Variants in ZNF730 observed in about 807,000 individuals in gnomAD.
ZNF730 encodes putative zinc finger protein 730.
ZNF730 carries 12 observed loss-of-function variants against 12.6 expected under a neutral mutation model. The ratio of observed to expected loss-of-function variants is 0.95; its 90% CI spans 0.61 to 1.54. The LOEUF is 1.54. ZNF730 is among the 40% of genes most tolerant of loss of function. The pLI is 0.00. For missense variants in ZNF730, 643 were observed against 583.5 expected (o/e 1.10, Z -1.05); for synonymous variants, 194 against 195.8 (o/e 0.99, Z 0.08).
At chr19:23,118,029 C>T (rs781624659) in intron 1 of ZNF730, among the ~76,000 whole-genome samples, 1 of 152,088 alleles carries the variant, frequency 6.6e-6, no homozygotes, top group Non-Finnish European at 1.5e-5. Flanking sequence ...ACCCCTCAAC[C>T]CCCATTCCTC....
intron 2 of ZNF730, among the ~76,000 whole-genome samples, 182 bp downstream of exon 2, chr19:23,134,388 G>A (rs1306648710): frequency 2.1e-5 from 3 of 145,412 alleles, no homozygotes; most frequent in Non-Finnish European, 4.6e-5. Flanking sequence ...AGGGAGGTGG[G>A]GGGGTCAGCC....
chr19:23,116,928 GGGCCTT>G, upstream of ZNF730: 2 of 92,792 alleles, frequency 2.2e-5, no homozygotes, highest in Non-Finnish European at 4.0e-5. Flanking sequence ...TGAGGGGGCG[GGGCCTT>G]AAACGTTATC....
At chr19:23,082,876 T>A (rs1969988230) in intron 1 of ZNF730, among the ~76,000 whole-genome samples, 1 of 151,882 alleles carries the variant, frequency 6.6e-6, no homozygotes, top group South Asian at 2.1e-4. Flanking sequence ...TAATTTTGTG[T>A]TTTTAGGGGA....
Position 23,086,573 on chromosome 19 carries a change from G to C in ZNF730, c.-94+11186G>C, listed in dbSNP as rs553148792. Among the ~76,000 whole-genome samples, 11 of 152,266 alleles carry C rather than the reference G, an allele frequency of 7.2e-5. No homozygotes were observed. In the South Asian group the frequency reaches 2.1e-3, roughly 29 times the overall value. ...AATTCTTTGCTCATTGCTTTTGTCAGCTTTGTCAAAGGTCAGATGGTTGTA... is the reference window on the plus strand; with the variant it reads ...AATTCTTTGCTCATTGCTTTTGTCACCTTTGTCAAAGGTCAGATGGTTGTA... On this transcript the variant is annotated intron_variant, in intron 1 of 2. Coordinates refer to the ZNF730 transcript ENST00000593635.
At chr19:23,141,917 T>A (rs1202931881) in intron 3 of ZNF730, among the ~76,000 whole-genome samples, 1 of 152,198 alleles carries the variant, frequency 6.6e-6, no homozygotes, top group African/African-American at 2.4e-5. Context: ...CTTGTTTTAT[T>A]TTTATTACAG....
At chr19:23,135,804 C>A in intron 2 of ZNF730, 144 bp from the exon 3 acceptor site, 1 of 707,100 alleles carries the variant, frequency 1.4e-6, no homozygotes, top group Non-Finnish European at 2.0e-6. Flanking sequence ...AGCCACCGTG[C>A]CTGGTCTATT....
intron 3 of ZNF730, among the ~76,000 whole-genome samples, chr19:23,144,963 T>C (rs1301317550): frequency 6.6e-6 from 1 of 152,200 alleles, no homozygotes; most frequent in East Asian, 1.9e-4. Context: ...GTTGGTAATT[T>C]ACTTGTAAAG....
chr19:23,131,900 A>G (rs1970747424), intron 1 of ZNF730, among the ~76,000 whole-genome samples: 1 of 152,162 alleles, frequency 6.6e-6, no homozygotes, highest in Non-Finnish European at 1.5e-5. Context: ...GGCCAGAATC[A>G]AGTATGAGGG....
chr19:23,116,672 C>T (rs1201665407), upstream of ZNF730, among the ~76,000 whole-genome samples: 1 of 150,990 alleles, frequency 6.6e-6, no homozygotes, highest in South Asian at 2.1e-4. Context: ...CCACCCGCCT[C>T]GGCCCCCCAA....
intron 3 of ZNF730, chr19:23,144,228 A>T (rs922510480): frequency 6.6e-6 from 1 of 151,900 alleles, no homozygotes; most frequent in Non-Finnish European, 1.5e-5. Flanking sequence ...TCTTTAATTG[A>T]GATTTGGACA....
Position 23,145,961 on chromosome 19 carries a change from A to G in ZNF730, c.917A>G (p.His306Arg), listed in dbSNP as rs1433969877. 1 of 1,607,588 alleles carries G rather than the reference A, an allele frequency of 6.2e-7. No homozygotes were observed. Among genetic ancestry groups the G allele is most frequent in the Non-Finnish European group, 8.5e-7 (1 of 1,178,494 alleles). ...SSNLTEHKKIHTKEQPYKCEK... is the reference protein window; with the variant it reads ...SSNLTEHKKIRTKEQPYKCEK... ...AACCTTACTGAACATAAGAAAATTC[A>G]TACTAAAGAGCAACCATACAAATGC... Residue 306 changes from histidine to arginine, a missense_variant, in exon 4 of 4, where the codon CAT becomes CGT. Physicochemically the swap from His to Arg is conservative, Grantham distance 29. Coordinates refer to ENST00000597761, the MANE Select transcript of ZNF730 (RefSeq NM_001277403.2).
At chr19:23,123,652 T>TCGTGCTGA (rs1555715073) in intron 1 of ZNF730, 1 of 151,080 alleles carries the variant, frequency 6.6e-6, no homozygotes, top group Non-Finnish European at 1.5e-5. Context: ...CTCATGTTTC[T>TCGTGCTGA]CATGCTGAGA....
At chr19:23,132,546 T>C (rs1433481498) in intron 1 of ZNF730, among the ~76,000 whole-genome samples, 2 of 152,200 alleles carry the variant, frequency 1.3e-5, no homozygotes, top group Non-Finnish European at 2.9e-5. Flanking sequence ...TGGCTTCTTA[T>C]ATGCCATGAT....
At position 23,146,502 on chromosome 19, in the gene ZNF730, T is replaced by TA; in HGVS notation, c.1461dup (p.Ala488SerfsTer3). On this transcript the variant is annotated frameshift_variant, in exon 4 of 4. Transcript: ENST00000597761. LOFTEE classifies it low-confidence loss of function (END_TRUNC). ...AAATCTACAAATGTAAAGAATGTGG[T>TA]AAAGCCTTTAGGCGGTTCTCACACC... The TA allele has an allele frequency of 6.3e-7, 1 of 1,595,446 alleles. No homozygotes were observed. The highest frequency in any genetic ancestry group is 8.5e-7 in the Non-Finnish European group (1 of 1,172,670).
chr19:23,115,486 T>C (rs1256600840), upstream of ZNF730, among the ~76,000 whole-genome samples: 2 of 152,206 alleles, frequency 1.3e-5, no homozygotes, highest in African/African-American at 4.8e-5. Flanking sequence ...GCTGACCTTA[T>C]TTCCTCAGGT....
At chr19:23,107,920 TTTG>T (rs887292181) in intron 1 of ZNF730, among the ~76,000 whole-genome samples, 7 of 152,106 alleles carry the variant, frequency 4.6e-5, no homozygotes, top group African/African-American at 9.7e-5. Context: ...ATGCAATTTT[TTTG>T]TTGTTGTTGT....
At chr19:23,077,499 A>G (rs1408655580) in intron 1 of ZNF730, among the ~76,000 whole-genome samples, 2 of 121,558 alleles carry the variant, frequency 1.6e-5, no homozygotes, top group Non-Finnish European at 3.2e-5. Context: ...GTGCAGTAGC[A>G]GTGTCTTGGC....
At chr19:23,126,287 G>A (rs1404066468) in intron 1 of ZNF730, among the ~76,000 whole-genome samples, 1 of 152,144 alleles carries the variant, frequency 6.6e-6, no homozygotes, top group East Asian at 1.9e-4. Flanking sequence ...AATAAATGCA[G>A]TTATAGAGGC....
chr19:23,113,868 G>A (rs1025646981), upstream of ZNF730, among the ~76,000 whole-genome samples: 3 of 152,090 alleles, frequency 2.0e-5, no homozygotes, highest in African/African-American at 7.2e-5. Context: ...AAATTTAGAA[G>A]ATGACCAAAA....
Sources: gnomAD v4.1 joint callset for allele counts (sites outside exome capture counted in the v4.1 genomes callset) on GRCh38, gnomAD v4.1.1 for gene constraint, MANE v1.5 for transcripts, NCBI Gene and HGNC (gene_info 2026-07-23, HGNC 2026-07-21) for gene names.